NREP: variants seen among roughly 807,000 people sequenced by gnomAD.
NREP encodes the protein neuronal regeneration related protein.
NREP carries 5 observed loss-of-function variants against 8.6 expected under a neutral mutation model. That is an observed-to-expected ratio of 0.58 (90% CI 0.30 to 1.22). The LOEUF (loss-of-function observed/expected upper bound fraction) is 1.22, where lower values mean the gene tolerates loss of function less well. Ranked by LOEUF, NREP falls within the 50% of genes most tolerant of loss-of-function variation. The pLI is 0.07. For missense variants in NREP, 86 were observed against 82.5 expected, an observed-to-expected ratio of 1.04 and a Z score of -0.17; for synonymous variants, 27 against 28.0, an observed-to-expected ratio of 0.96 and a Z score of 0.11.
rs113414274 is a variant in NREP, at chr5:111,739,731, A to G, written c.4-4224T>C. ...AACTTTCTTTTTGACACTTCATTGA[A>G]TTCTCTATTGTTGTTTCGGTGGTTT... On this transcript the variant is annotated intron_variant, in intron 2 of 3. Coordinates refer to ENST00000257435, the MANE Select transcript of NREP (RefSeq NM_004772.4). The G allele has an allele frequency of 5.9e-5, 9 of 152,190 alleles. 1 individual carries two copies. The highest frequency in any genetic ancestry group is 2.2e-4 in the African/African-American group (9 of 41,550). The allele number at this position is 152,190 out of a possible 1,614,324, so 9.4% of individuals were successfully genotyped here. A position where few individuals can be genotyped will look rare whatever the true frequency, so the allele number is the denominator to read the frequency against.
rs137968099 is a variant in NREP at position 111,927,425 on chromosome 5, T to C, written c.135+47849A>G. ...GTGAAAGGATGGGTGGCATGATAAA[T>C]TCTTGCCCTCTGAGATAAGCGCTCT... is the stretch of plus-strand genomic sequence containing the variant. On this transcript the variant is annotated intron_variant, in intron 2 of 3. Coordinates refer to the NREP transcript ENST00000395634. Among the ~76,000 whole-genome samples, 559 of 152,210 alleles carry C rather than the reference T, an allele frequency of 3.7e-3. 1 individual carries two copies. Among genetic ancestry groups the C allele is most frequent in the African/African-American group, 0.012 (516 of 41,546 alleles).
chr5:111,853,081 T>G (rs889133324), intron 2 of NREP, among the ~76,000 whole-genome samples: 2 of 152,168 alleles, frequency 1.3e-5, no homozygotes, highest in Non-Finnish European at 2.9e-5. Context: ...CTTTATACTC[T>G]TGTTAGAACT....
chr5:111,807,185 A>G (rs1405607053), intron 2 of NREP, among the ~76,000 whole-genome samples: 2 of 152,066 alleles, frequency 1.3e-5, no homozygotes, highest in African/African-American at 4.8e-5. Context: ...CCCAAATAAA[A>G]CCTTACACCT....
intron 2 of NREP, among the ~76,000 whole-genome samples, chr5:111,754,427 G>C (rs3797737): frequency 0.27 from 40,370 of 152,076 alleles, 5,905 homozygotes; most frequent in Non-Finnish European, 0.33. Flanking sequence ...TCTATTTATG[G>C]TCACAGAAAG....
chr5:111,771,640 G>A (rs1282009436), intron 2 of NREP, among the ~76,000 whole-genome samples: 1 of 151,924 alleles, frequency 6.6e-6, no homozygotes, highest in Non-Finnish European at 1.5e-5. Flanking sequence ...GCACATGCCT[G>A]TAATCCCAGC....
At chr5:111,776,246 G>A (rs1188765173) in intron 2 of NREP, among the ~76,000 whole-genome samples, 3 of 152,092 alleles carry the variant, frequency 2.0e-5, no homozygotes, top group Non-Finnish European at 2.9e-5. Context: ...ATGTCAAGGG[G>A]TATTATTTGG....
At chr5:111,806,428 G>A (rs970681894) in intron 2 of NREP, among the ~76,000 whole-genome samples, 1 of 152,138 alleles carries the variant, frequency 6.6e-6, no homozygotes, top group East Asian at 1.9e-4. Context: ...GCAGAAAAGG[G>A]TAATGGATTT....
intron 2 of NREP, among the ~76,000 whole-genome samples, chr5:111,766,816 G>A (rs1456817673): frequency 6.6e-6 from 1 of 152,206 alleles, no homozygotes; most frequent in Non-Finnish European, 1.5e-5. Context: ...GAAAGGGTGG[G>A]TGAGTGAATT....
At chr5:111,800,779 A>G (rs1751987246) in intron 2 of NREP, among the ~76,000 whole-genome samples, 1 of 152,232 alleles carries the variant, frequency 6.6e-6, no homozygotes, top group African/African-American at 2.4e-5. Context: ...TTATTAGCCA[A>G]TCTGCTCAAG....
intron 2 of NREP, among the ~76,000 whole-genome samples, chr5:111,881,432 T>C (rs946178769): frequency 6.6e-6 from 1 of 152,164 alleles, no homozygotes; most frequent in Non-Finnish European, 1.5e-5. Context: ...AGCAGTAACC[T>C]CTGCAGACTT....
chr5:111,864,389 A>C (rs984109539), intron 2 of NREP, among the ~76,000 whole-genome samples: 3 of 152,128 alleles, frequency 2.0e-5, no homozygotes, highest in Admixed American at 2.0e-4. Flanking sequence ...GCAATATATG[A>C]ATATGAATAA....
intron 2 of NREP, among the ~76,000 whole-genome samples, chr5:111,876,515 G>A (rs1342070023): frequency 2.6e-5 from 4 of 152,094 alleles, no homozygotes; most frequent in African/African-American, 9.7e-5. Flanking sequence ...ATGAAACACA[G>A]TTCCCACAGA....
intron 1 of NREP, 24 bp from the exon 2 acceptor site, chr5:111,755,854 T>C (rs1750670517): frequency 2.5e-6 from 4 of 1,612,670 alleles, no homozygotes; most frequent in Admixed American, 1.7e-5. Context: ...TTAAATACAG[T>C]AGACACATCG....
intron 2 of NREP, among the ~76,000 whole-genome samples, chr5:111,841,987 G>A (rs550657498): frequency 1.5e-4 from 23 of 152,162 alleles, no homozygotes; most frequent in African/African-American, 5.3e-4. Flanking sequence ...GGAAAACTCT[G>A]GTGTGATTGT....
intron 2 of NREP, among the ~76,000 whole-genome samples, chr5:111,779,889 T>C (rs71579157): frequency 1.3e-5 from 2 of 152,172 alleles, no homozygotes; most frequent in South Asian, 4.1e-4. Flanking sequence ...GATTAAATTG[T>C]GATTTTTTAT....
intron 2 of NREP, chr5:111,739,551 C>G (rs181743690): frequency 1.3e-5 from 2 of 152,288 alleles, no homozygotes; most frequent in African/African-American, 4.8e-5. Context: ...ATCCATCTAT[C>G]TAGAGTCCAT....
At chr5:111,746,509 T>C (rs1750016346) in intron 2 of NREP, among the ~76,000 whole-genome samples, 1 of 152,136 alleles carries the variant, frequency 6.6e-6, no homozygotes, top group African/African-American at 2.4e-5. Flanking sequence ...ATTGTGAAGA[T>C]AAGGGCTCAG....
intron 3 of NREP, chr5:111,734,428 G>A: frequency 3.8e-6 from 1 of 265,972 alleles, no homozygotes; most frequent in South Asian, 7.7e-5. Context: ...TCTAGTTCAG[G>A]CAGGGTCAAA....
intron 2 of NREP, among the ~76,000 whole-genome samples, chr5:111,812,261 T>G (rs994571164): frequency 2.0e-5 from 3 of 152,112 alleles, no homozygotes; most frequent in African/African-American, 7.2e-5. Context: ...CACTCCAGCC[T>G]GTGTGAAAGA....
Sources: allele counts gnomAD v4.1 joint callset (sites outside exome capture counted in the v4.1 genomes callset), GRCh38; gene constraint gnomAD v4.1.1; transcripts MANE v1.5; gene names NCBI Gene and HGNC (gene_info 2026-07-23, HGNC 2026-07-21).